Variants in DACT2 observed in about 807,000 individuals in gnomAD.
DACT2 encodes dishevelled binding antagonist of beta catenin 2.
DACT2 carries 20 observed loss-of-function variants against 22.2 expected under a neutral mutation model. That is an observed-to-expected ratio of 0.90 (90% confidence interval 0.63 to 1.31). The LOEUF is 1.31. DACT2 is among the 50% of genes most tolerant of loss of function. The pLI is 0.00. For synonymous variants in DACT2, 463 were observed against 479.8 expected (o/e 0.96, Z 0.46); for missense variants, 1,048 against 1,061.4 (o/e 0.99, Z 0.18).
chr6:168,296,621 G>A (rs940799692), intron 3 of DACT2, among the ~76,000 whole-genome samples: 13 of 152,174 alleles, frequency 8.5e-5, no homozygotes, highest in Non-Finnish European at 1.9e-4. Flanking sequence ...CAAGCACCCG[G>A]AATCAGCAGC....
intron 4 of DACT2, among the ~76,000 whole-genome samples, chr6:168,294,404 G>T (rs1438450030): frequency 6.7e-6 from 1 of 149,130 alleles, no homozygotes; most frequent in Non-Finnish European, 1.5e-5. Context: ...CGTGCACGTG[G>T]GGTTCACCTG....
At chr6:168,295,070 C>T (rs534946710) in intron 3 of DACT2, among the ~76,000 whole-genome samples, 2 of 152,256 alleles carry the variant, frequency 1.3e-5, no homozygotes, top group Admixed American at 1.3e-4. Flanking sequence ...GGCAGCAGTC[C>T]TGCCCCTTCC....
Position 168,310,426 on chromosome 6 carries a change from C to A in DACT2, c.400G>T (p.Gly134Cys). ...GACGTGGACAGGGAGCAGGATCCAC[C>A]GTCGCTCATCTCGTAAAAGCCTGGA... ...PSSGFYEMSD[G>C]GSCSLSTSCA... The change falls in exon 3 of 4, where the codon GGT becomes TGT. Residue 134 changes from glycine to cysteine, a missense_variant. Coordinates refer to ENST00000366795, the MANE Select transcript of DACT2 (RefSeq NM_214462.5). 1 of 1,550,544 alleles carries A rather than the reference C, an allele frequency of 6.4e-7. No individual in the cohort carries two copies. Among genetic ancestry groups the A allele is most frequent in the Non-Finnish European group, 8.7e-7 (1 of 1,146,586 alleles).
chr6:168,304,146 C>T (rs960265493), downstream of DACT2, among the ~76,000 whole-genome samples: 3 of 152,194 alleles, frequency 2.0e-5, no homozygotes, highest in Admixed American at 6.5e-5. Context: ...TTGAAGTCTG[C>T]CCCCGTCATC....
At position 168,307,871 on chromosome 6, in the gene DACT2, A is replaced by G. The variant is rs1165049848; in HGVS notation, c.1886T>C (p.Leu629Pro). Residue 629 changes from leucine (L) to proline (P), a missense_variant, in exon 4 of 4, where the codon CTG (leucine) becomes CCG (proline). By Grantham distance (98) the Leu-to-Pro change is moderately conservative. Transcript: ENST00000366795. The surrounding 1 kb of genome is among the most constrained non-coding windows in gnomAD (Gnocchi z 5.3). ...ARLASCPESN[L>P]GPPRPVARRA... ...CCTGGCCACGGGCCTGGGGGGCCCC[A>G]GGTTAGACTCAGGACAGCTGGCCAG... The G allele has an allele frequency of 6.5e-7, 1 of 1,539,308 alleles. No individual in the cohort carries two copies. The highest frequency in any genetic ancestry group is 1.2e-5 in the South Asian group (1 of 83,836).
At chr6:168,302,671 G>T (rs909606861), downstream of DACT2, among the ~76,000 whole-genome samples, 3 of 152,216 alleles carry the variant, frequency 2.0e-5, no homozygotes, top group African/African-American at 4.8e-5. Flanking sequence ...AGGAGCCCCA[G>T]TGCTCAGGAG....
chr6:168,311,426 G>A (rs1277208527), intron 1 of DACT2, 142 bp from the exon 2 acceptor site: 5 of 1,144,280 alleles, frequency 4.4e-6, no homozygotes, highest in Non-Finnish European at 6.0e-6. Flanking sequence ...TCCGGCAGCT[G>A]CCCCTGCTCA....
intron 1 of DACT2, 47 bp from the exon 2 acceptor site, chr6:168,311,331 C>A (rs1355901897): frequency 1.9e-5 from 28 of 1,497,970 alleles, no homozygotes; most frequent in Non-Finnish European, 2.3e-5. Context: ...CTATGGAAAG[C>A]AAAACTTAAG....
downstream of DACT2, among the ~76,000 whole-genome samples, chr6:168,306,160 TTC>T (rs1245881031): frequency 5.3e-5 from 8 of 152,218 alleles, no homozygotes; most frequent in Non-Finnish European, 1.2e-4. Flanking sequence ...TCCTCTGGTT[TTC>T]TGACTGGCTT....
At chr6:168,316,347 ACAG>A (rs561649067) in intron 1 of DACT2, among the ~76,000 whole-genome samples, 37 of 55,460 alleles carry the variant, frequency 6.7e-4, no homozygotes, top group South Asian at 4.3e-3. Context: ...CAAACACACA[ACAG>A]CATCTCAGCA....
At chr6:168,315,875 G>C (rs1583303919) in intron 1 of DACT2, among the ~76,000 whole-genome samples, 1 of 152,142 alleles carries the variant, frequency 6.6e-6, no homozygotes, top group Non-Finnish European at 1.5e-5. Context: ...GTGTGTAACT[G>C]TTCCAGCAAG....
chr6:168,319,329 G>T, intron 1 of DACT2, 59 bp downstream of exon 1: 1 of 1,176,742 alleles, frequency 8.5e-7, no homozygotes, highest in Non-Finnish European at 1.1e-6. Flanking sequence ...CGCTGCCGAA[G>T]GAGCAGCGCC....
Position 168,293,665 on chromosome 6 carries a change from AT to A in DACT2, c.*228del, listed in dbSNP as rs144312250. On this transcript the variant is annotated 3_prime_UTR_variant, in exon 6 of 6. Coordinates refer to the DACT2 transcript ENST00000366796. ...GGAGAAACCATTCTCTCTTACGTCC[AT>A]TACTCCCTCACTTCAACTTTCCACG... The A allele has an allele frequency of 3.2e-3, 1,805 of 563,106 alleles. 20 individuals are homozygous for A. The highest frequency in any genetic ancestry group is 0.029 in the African/African-American group (1,556 of 53,198). The allele number at this position is 563,106 out of a possible 1,614,324, so 34.9% of individuals were successfully genotyped here.
downstream of DACT2, among the ~76,000 whole-genome samples, chr6:168,305,531 C>T (rs1779186855): frequency 6.6e-6 from 1 of 152,188 alleles, no homozygotes. Context: ...AGAGTGCACT[C>T]AAGCTCCTGC....
In DACT2 at chr6:168,319,716, G is replaced by A. The variant is rs1370743615; in HGVS notation, c.-83C>T. ...GCGCGGATCCCGAGCTGTGTCGCGG[G>A]TCCTCCTGCGCCTCCTCTCTCCGCC... is the stretch of plus-strand genomic sequence containing the variant. On this transcript the variant is annotated 5_prime_UTR_variant, in exon 1 of 4. Transcript: ENST00000366795. The A allele has an allele frequency of 1.7e-6, 2 of 1,184,752 alleles. No homozygotes were observed. Among genetic ancestry groups the A allele is most frequent in the Non-Finnish European group, 2.1e-6 (2 of 957,302 alleles). 73.4% of individuals were successfully genotyped at this position (1,184,752 alleles called of 1,614,324 possible).
rs1375500903 is a variant in DACT2, at chr6:168,309,049, G to T, written c.708C>A (p.Ser236Arg). ...LPADTGLQKA[S>R]ADAELLGLLC... ...GGAGCCCGAGGAGCTCGGCGTCCGC[G>T]CTGGCTTTCTGGAGCCCCGTGTCCG... Residue 236 changes from serine (S) to arginine (R), a missense_variant, in exon 4 of 4, where the codon AGC becomes AGA. Coordinates refer to ENST00000366795, the MANE Select transcript of DACT2 (RefSeq NM_214462.5). The T allele has an allele frequency of 3.2e-6, 5 of 1,541,566 alleles. No homozygotes were observed. In the South Asian group the frequency reaches 3.6e-5, roughly 11 times the overall value.
At chr6:168,294,494 G>GGT (rs1254211047) in intron 4 of DACT2, 1 of 382,518 alleles carries the variant, frequency 2.6e-6, no homozygotes, top group Admixed American at 3.9e-5. Context: ...AACAGGCCCC[G>GGT]GTGTGTGATG....
Position 168,307,114 on chromosome 6 carries a change from C to T in DACT2, c.*318G>A. 4 of 1,145,630 alleles carry T rather than the reference C, an allele frequency of 3.5e-6. No homozygotes were observed. The highest frequency in any genetic ancestry group is 4.3e-6 in the Non-Finnish European group (4 of 930,618). 71.0% of individuals were successfully genotyped at this position (1,145,630 alleles called of 1,614,324 possible). A position where few individuals can be genotyped will look rare whatever the true frequency, so the allele number is the denominator to read the frequency against. On this transcript the variant is annotated 3_prime_UTR_variant, in exon 4 of 4. Transcript: ENST00000366795. This position sits in a 1 kb window ranked among gnomAD's most constrained non-coding sequence, Gnocchi z 5.3. ...CAGAGGGGAGTGAGGGCAGGGGAAGCCATGGGAGGATGACAACATGGAAAC... is the reference window on the plus strand; with the variant it reads ...CAGAGGGGAGTGAGGGCAGGGGAAGTCATGGGAGGATGACAACATGGAAAC...
Position 168,310,262 on chromosome 6 carries a change from T to G in DACT2, c.564A>C (p.Arg188Ser), listed in dbSNP as rs1779361655. The G allele has an allele frequency of 6.4e-7, 1 of 1,551,118 alleles. No individual in the cohort carries two copies. The highest frequency in any genetic ancestry group is 8.7e-7 in the Non-Finnish European group (1 of 1,146,928). ...TGGCGCCCTCCTCGGTAGCCTGGGG[T>G]CTCCACGCTGGCACAGTAGTCTCAT... ...SVDETTVPAW[R>S]PQATEEGARP... is the part of the protein sequence containing the mutation. Residue 188 changes from arginine to serine, a missense_variant, in exon 3 of 4, where the codon AGA becomes AGC. By Grantham distance (110) the Arg-to-Ser change is moderately radical. Coordinates refer to ENST00000366795, the MANE Select transcript of DACT2 (RefSeq NM_214462.5).
Sources: allele counts gnomAD v4.1 joint callset (sites outside exome capture counted in the v4.1 genomes callset), GRCh38; gene constraint gnomAD v4.1.1; non-coding constraint Gnocchi (gnomAD v3.1); transcripts MANE v1.5; gene names NCBI Gene and HGNC (gene_info 2026-07-23, HGNC 2026-07-21).